The following NOS2 variants were observed in gnomAD, a reference collection of about 807,000 sequenced individuals.
The protein encoded by NOS2 is nitric oxide synthase, inducible.
Under a neutral mutation model 136.0 loss-of-function variants are expected in NOS2, and 96 were observed. The ratio of observed to expected loss-of-function variants is 0.71; its 90% CI spans 0.60 to 0.84. NOS2 has a LOEUF of 0.84. NOS2 is among the 40% of genes least tolerant of loss of function. The probability of loss-of-function intolerance (pLI) is 0.00; values close to 1 mark genes in which losing one functional copy is unlikely to be tolerated. For synonymous variants in NOS2, 539 were observed against 587.5 expected (o/e 0.92, Z 1.20); for missense variants, 1,237 against 1,496.9 (o/e 0.83, Z 2.87).
intron 11 of NOS2, among the ~76,000 whole-genome samples, chr17:27,778,211 T>G (rs896779593): frequency 2.6e-5 from 4 of 152,034 alleles, no homozygotes; most frequent in Non-Finnish European, 4.4e-5. Flanking sequence ...CTTCTTTTTT[T>G]TTTGAGCGGA....
intron 2 of NOS2, 149 bp downstream of exon 2, chr17:27,798,551 G>A (rs1445910267): frequency 3.1e-6 from 2 of 638,638 alleles, no homozygotes; most frequent in Non-Finnish European, 5.6e-6. Flanking sequence ...CGGCTGCATT[G>A]AATTCCAACA....
At chr17:27,767,929 C>T in intron 17 of NOS2, 92 bp from the exon 18 acceptor site, 12 of 1,516,748 alleles carry the variant, frequency 7.9e-6, no homozygotes, top group Non-Finnish European at 1.1e-5. Flanking sequence ...TTACCATGGG[C>T]CAAACACTGA....
Position 27,788,850 on chromosome 17 carries a change from C to T in NOS2, c.277G>A (p.Gly93Arg), listed in dbSNP as rs201531558. The change falls in exon 4 of 27, where the codon GGG becomes AGG. Residue 93 changes from glycine to arginine, a missense_variant. Physicochemically the swap from Gly to Arg is moderately radical, Grantham distance 125 (BLOSUM62 -2). This residue lies in a region of NOS2 where 440 missense variants were observed against 545.4 expected (regional missense o/e 0.81). Coordinates refer to ENST00000313735, the MANE Select transcript of NOS2 (RefSeq NM_000625.4). ...TGAAGTGTGTCTTGGAAAGTCATCC[C>T]GCTGCCCCAGTTTTTGATCCTCACA... The part of the protein sequence containing the change: ...RHVRIKNWGS[G>R]MTFQDTLHHK... 2.5e-6 allele frequency: 4 copies of T among 1,614,152 alleles called. No homozygotes were observed. The highest frequency in any genetic ancestry group is 1.1e-5 in the South Asian group (1 of 91,074).
Position 27,787,791 on chromosome 17 carries a change from G to A in NOS2, c.354C>T (p.Ser118=), listed in dbSNP as rs1453383318. Residue 118 remains serine (S), a synonymous_variant, in exon 5 of 27, where the codon TCC becomes TCT. Coordinates refer to ENST00000313735, the MANE Select transcript of NOS2 (RefSeq NM_000625.4). The stretch of plus-strand genomic sequence containing the variant: ...TGGTCAAACTTTTGGGAGTCATAAT[G>A]GACCCCAGGCAAGATTTGGACCTGC... ...LTCRSKSCLG[S]IMTPKSLTRG... 6.2e-7 allele frequency: 1 copy of A among 1,612,988 alleles called. No individual in the cohort carries two copies.
At chr17:27,758,030 CT>C (rs1352021285) in intron 26 of NOS2, among the ~76,000 whole-genome samples, 2 of 152,186 alleles carry the variant, frequency 1.3e-5, no homozygotes, top group Non-Finnish European at 2.9e-5. Context: ...TAAAATTACA[CT>C]CCCCAGCGTT....
chr17:27,786,791 G>A (rs184231192), intron 5 of NOS2, among the ~76,000 whole-genome samples: 45 of 152,302 alleles, frequency 3.0e-4, no homozygotes, highest in African/African-American at 2.9e-4. Context: ...TACTCAGCTC[G>A]TAAGGGGCAC....
intron 2 of NOS2, among the ~76,000 whole-genome samples, chr17:27,796,535 G>A (rs911577482): frequency 4.6e-5 from 7 of 152,200 alleles, no homozygotes; most frequent in African/African-American, 7.2e-5. Context: ...AGGGAGGAAT[G>A]TGCTATGCAC....
At chr17:27,796,167 A>G (rs1057407458) in intron 2 of NOS2, among the ~76,000 whole-genome samples, 1 of 152,190 alleles carries the variant, frequency 6.6e-6, no homozygotes, top group African/African-American at 2.4e-5. Context: ...GAAAGAAAAA[A>G]GAAGCCTAGG....
chr17:27,792,363 G>A (rs1909218813), intron 2 of NOS2, among the ~76,000 whole-genome samples: 2 of 152,316 alleles, frequency 1.3e-5, no homozygotes, highest in Admixed American at 1.3e-4. Context: ...AAGATCATAG[G>A]CAATTTAACT....
chr17:27,781,348 G>C (rs537310032), intron 7 of NOS2, among the ~76,000 whole-genome samples, 171 bp from the exon 8 acceptor site: 3 of 152,270 alleles, frequency 2.0e-5, no homozygotes, highest in Admixed American at 6.5e-5. Flanking sequence ...TCAAGACCCA[G>C]GGTCCACCCC....
intron 11 of NOS2, among the ~76,000 whole-genome samples, chr17:27,777,217 G>A (rs1459872760): frequency 6.6e-6 from 1 of 152,180 alleles, no homozygotes; most frequent in Non-Finnish European, 1.5e-5. Context: ...CACATCCTTG[G>A]CCCAGCCTAG....
At chr17:27,776,831 T>A (rs1326242783) in intron 11 of NOS2, among the ~76,000 whole-genome samples, 1 of 152,144 alleles carries the variant, frequency 6.6e-6, no homozygotes, top group African/African-American at 2.4e-5. Context: ...CTTATAATCC[T>A]CAGATGAGGG....
chr17:27,765,055 T>C (rs1377836472), intron 20 of NOS2, among the ~76,000 whole-genome samples: 1 of 152,242 alleles, frequency 6.6e-6, no homozygotes, highest in East Asian at 1.9e-4. Flanking sequence ...CTCATATCAC[T>C]GCAACCTCCA....
chr17:27,767,194 A>G (rs1295290873), intron 18 of NOS2, among the ~76,000 whole-genome samples: 3 of 152,204 alleles, frequency 2.0e-5, no homozygotes, highest in Non-Finnish European at 4.4e-5. Context: ...CTTCAGGACT[A>G]TCTTAGACAG....
Position 27,757,119 on chromosome 17 carries a change from G to A in NOS2, c.*127C>T. ...GGGCTTGATGGGGAGCAACGTTGAGGAAATAAGACTTGAGGCTGGGGGATA... is the reference window on the plus strand; with the variant it reads ...GGGCTTGATGGGGAGCAACGTTGAGAAAATAAGACTTGAGGCTGGGGGATA... On this transcript the variant is annotated 3_prime_UTR_variant, in exon 27 of 27. Coordinates refer to ENST00000313735, the MANE Select transcript of NOS2 (RefSeq NM_000625.4). The A allele has an allele frequency of 1.4e-6, 1 of 690,220 alleles. No individual in the cohort carries two copies. Among genetic ancestry groups the A allele is most frequent in the Non-Finnish European group, 2.4e-6 (1 of 421,298 alleles). The allele number at this position is 690,220 out of a possible 1,614,324, so 42.8% of individuals were successfully genotyped here.
chr17:27,772,764 G>A lies in NOS2; in HGVS notation c.1560-312C>T, dbSNP rs28999405. ...AATATACATTCCCAGGCTGGGTGCC[G>A]TGGCTCACATCTGTAATCCCAGCAC... is the stretch of plus-strand genomic sequence containing the variant. On this transcript the variant is annotated intron_variant, in intron 13 of 26. Transcript: ENST00000313735. Among the ~76,000 whole-genome samples, 513 of 152,196 alleles carry A rather than the reference G, an allele frequency of 3.4e-3. 2 individuals are homozygous for A. Among genetic ancestry groups the A allele is most frequent in the Non-Finnish European group, 5.7e-3 (389 of 67,992 alleles).
chr17:27,796,660 A>G (rs1909364753), intron 2 of NOS2, among the ~76,000 whole-genome samples: 1 of 151,960 alleles, frequency 6.6e-6, no homozygotes, highest in South Asian at 2.1e-4. Context: ...GGCAATGGGG[A>G]GCCACTGCAG....
rs553348122 is a variant in NOS2, at chr17:27,766,608, G to A, written c.2168-20C>T. On this transcript the variant is annotated intron_variant, in intron 18 of 26. Coordinates refer to ENST00000313735, the MANE Select transcript of NOS2 (RefSeq NM_000625.4). Reference sequence around the variant, plus strand: ...TGAGGGCTGTGGAGGACACAGAGACGGTGAAATGGCAAAGTGGTTCTTGAG... The same window carrying A: ...TGAGGGCTGTGGAGGACACAGAGACAGTGAAATGGCAAAGTGGTTCTTGAG... The A allele has an allele frequency of 5.2e-5, 84 of 1,605,576 alleles. No homozygotes were observed. Among genetic ancestry groups the A allele is most frequent in the African/African-American group, 2.1e-4 (16 of 74,864 alleles).
intron 26 of NOS2, among the ~76,000 whole-genome samples, chr17:27,757,742 C>T (rs1421769834): frequency 6.6e-6 from 1 of 152,204 alleles, no homozygotes; most frequent in Non-Finnish European, 1.5e-5. Context: ...AACGTGTTTG[C>T]CTTGCCTTAA....
Sources: gnomAD v4.1 joint callset for allele counts (sites outside exome capture counted in the v4.1 genomes callset) on GRCh38, gnomAD v4.1.1 for gene constraint, gnomAD v4.1.1 regional missense constraint, MANE v1.5 for transcripts, NCBI Gene and HGNC (gene_info 2026-07-23, HGNC 2026-07-21) for gene names.